The following WDR7 variants were observed in gnomAD, a reference collection of about 807,000 sequenced individuals.
WDR7 encodes WD repeat-containing protein 7.
Under a neutral mutation model 169.4 loss-of-function variants are expected in WDR7, and 46 were observed. The ratio of observed to expected loss-of-function variants is 0.27; its 90% CI spans 0.21 to 0.35. The LOEUF (loss-of-function observed/expected upper bound fraction) is 0.35, where lower values mean the gene tolerates loss of function less well. WDR7 is among the 10% of genes least tolerant of loss of function. WDR7 has a pLI of 1.00. For synonymous variants in WDR7, 612 were observed against 666.8 expected (o/e 0.92, Z 1.27); for missense variants, 1,534 against 1,859.3 (o/e 0.83, Z 3.22).
In WDR7 at chr18:56,696,231, C is replaced by A; in HGVS notation, c.1358-11C>A. 6.3e-7 allele frequency: 1 copy of A among 1,591,514 alleles called. No homozygotes were observed. The highest frequency in any genetic ancestry group is 1.1e-5 in the South Asian group (1 of 87,630). ...AATTTTCCCATTTTAAATCCAAACCCTCATTCACAGGTTGGCCACCTCACA... is the reference window on the plus strand; with the variant it reads ...AATTTTCCCATTTTAAATCCAAACCATCATTCACAGGTTGGCCACCTCACA... On this transcript the variant is annotated splice_polypyrimidine_tract_variant and intron_variant, in intron 11 of 27. Transcript: ENST00000254442.
chr18:56,806,363 T>C (rs1054697237), intron 19 of WDR7, among the ~76,000 whole-genome samples: 1 of 152,216 alleles, frequency 6.6e-6, no homozygotes, highest in Non-Finnish European at 1.5e-5. Flanking sequence ...CATTAAGTAC[T>C]GTCTTTAAAA....
chr18:56,808,731 T>A (rs2044818267), intron 19 of WDR7, among the ~76,000 whole-genome samples: 1 of 152,156 alleles, frequency 6.6e-6, no homozygotes, highest in Non-Finnish European at 1.5e-5. Context: ...TAAAGGTAAT[T>A]TACAAGCTTA....
chr18:56,865,764 A>G (rs182047432), intron 20 of WDR7, among the ~76,000 whole-genome samples: 12 of 152,164 alleles, frequency 7.9e-5, no homozygotes, highest in African/African-American at 2.9e-4. Flanking sequence ...TGTTTTTGGT[A>G]TGTTTCAGTA....
chr18:56,886,432 T>G (rs768615752), intron 21 of WDR7, among the ~76,000 whole-genome samples: 2 of 152,320 alleles, frequency 1.3e-5, no homozygotes, highest in Admixed American at 6.5e-5. Flanking sequence ...AAACAAATGC[T>G]AAGAGAATTT....
At chr18:56,741,865 A>G (rs1443711613) in intron 14 of WDR7, among the ~76,000 whole-genome samples, 2 of 152,222 alleles carry the variant, frequency 1.3e-5, no homozygotes, top group African/African-American at 2.4e-5. Context: ...TGAATTAGAC[A>G]TGACTGGATT....
intron 22 of WDR7, among the ~76,000 whole-genome samples, chr18:56,935,260 CTG>C (rs2046942140): frequency 6.6e-6 from 1 of 152,010 alleles, no homozygotes; most frequent in Non-Finnish European, 1.5e-5. Context: ...AAGTACTAAA[CTG>C]GGGTAAACCA....
intron 12 of WDR7, among the ~76,000 whole-genome samples, chr18:56,700,890 A>G (rs556656950): frequency 6.6e-6 from 1 of 152,310 alleles, no homozygotes; most frequent in African/African-American, 2.4e-5. Flanking sequence ...ATTTAGGAAA[A>G]GATCTTTGAA....
At chr18:56,768,426 A>G (rs896694461) in intron 16 of WDR7, among the ~76,000 whole-genome samples, 11 of 152,198 alleles carry the variant, frequency 7.2e-5, no homozygotes, top group African/African-American at 2.4e-4. Context: ...TTAATATTGA[A>G]ATAAATATAT....
chr18:56,984,000 T>C (rs1392561791), intron 26 of WDR7, among the ~76,000 whole-genome samples: 1 of 152,146 alleles, frequency 6.6e-6, no homozygotes, highest in African/African-American at 2.4e-5. Flanking sequence ...TTGAGGAATG[T>C]TTACAGTTAT....
At chr18:56,972,518 T>C (rs1226234973) in intron 26 of WDR7, among the ~76,000 whole-genome samples, 1 of 152,170 alleles carries the variant, frequency 6.6e-6, no homozygotes. Flanking sequence ...CAGCAGCTGG[T>C]TTTATGGCAG....
intron 16 of WDR7, among the ~76,000 whole-genome samples, chr18:56,759,184 T>C (rs1190776853): frequency 6.6e-6 from 1 of 152,192 alleles, no homozygotes; most frequent in African/African-American, 2.4e-5. Flanking sequence ...ATACTGTCTT[T>C]GGACTAATTT....
At chr18:56,754,847 A>G (rs563913074) in intron 14 of WDR7, among the ~76,000 whole-genome samples, 4 of 152,334 alleles carry the variant, frequency 2.6e-5, no homozygotes, top group African/African-American at 9.6e-5. Flanking sequence ...AACAATATCA[A>G]TCATAAAGGC....
At chr18:56,964,929 A>C (rs2145781951) in intron 26 of WDR7, among the ~76,000 whole-genome samples, 2 of 152,284 alleles carry the variant, frequency 1.3e-5, no homozygotes, top group South Asian at 4.1e-4. Context: ...CTATTCTCTT[A>C]ATTCTTTTAT....
intron 11 of WDR7, among the ~76,000 whole-genome samples, 197 bp downstream of exon 11, chr18:56,695,395 T>C (rs2025677622): frequency 6.6e-6 from 1 of 152,190 alleles, no homozygotes; most frequent in Non-Finnish European, 1.5e-5. Context: ...ATGTAATGAC[T>C]GTAAATAAAG....
intron 27 of WDR7, among the ~76,000 whole-genome samples, chr18:57,023,321 G>A (rs544175438): frequency 2.1e-4 from 32 of 152,292 alleles, no homozygotes; most frequent in Admixed American, 9.1e-4. Flanking sequence ...TAAGTGTACT[G>A]TAATATATTT....
intron 21 of WDR7, among the ~76,000 whole-genome samples, chr18:56,886,771 G>A (rs144105377): frequency 4.6e-5 from 7 of 152,014 alleles, no homozygotes; most frequent in East Asian, 1.9e-4. Flanking sequence ...AAGCTAAAGC[G>A]GATATCTTTT....
At chr18:56,841,044 T>A (rs2045477827) in intron 20 of WDR7, among the ~76,000 whole-genome samples, 2 of 151,038 alleles carry the variant, frequency 1.3e-5, no homozygotes, top group Non-Finnish European at 3.0e-5. Flanking sequence ...TACAAAAAAA[T>A]TAGCTAGGCT....
At chr18:56,737,728 C>G (rs899455823) in intron 14 of WDR7, among the ~76,000 whole-genome samples, 2 of 152,082 alleles carry the variant, frequency 1.3e-5, no homozygotes, top group Non-Finnish European at 2.9e-5. Context: ...AAAATTTGTA[C>G]TGATTGAATA....
rs192988490 is a variant in WDR7 at position 56,756,822 on chromosome 18, C to G, written c.2229C>G (p.Phe743Leu). 13 of 1,614,002 alleles carry G rather than the reference C, an allele frequency of 8.1e-6. No individual in the cohort carries two copies. Among genetic ancestry groups the G allele is most frequent in the Non-Finnish European group, 1.1e-5 (13 of 1,180,014 alleles). ...FLTGKRAAVL[F>L]QQVKETIKEN... ...CTGGAAAACGAGCAGCAGTTCTCTTCCAACAAGTGAAAGAAACGATCAAAG... is the reference window on the plus strand; with the variant it reads ...CTGGAAAACGAGCAGCAGTTCTCTTGCAACAAGTGAAAGAAACGATCAAAG... Residue 743 changes from phenylalanine (F) to leucine (L), a missense_variant, in exon 15 of 28, where the codon TTC becomes TTG. Coordinates refer to ENST00000254442, the MANE Select transcript of WDR7 (RefSeq NM_015285.3).
Sources: allele counts gnomAD v4.1 joint callset (sites outside exome capture counted in the v4.1 genomes callset), GRCh38; gene constraint gnomAD v4.1.1; transcripts MANE v1.5; gene names NCBI Gene and HGNC (gene_info 2026-07-23, HGNC 2026-07-21).